Variants in SYT2 observed in about 807,000 individuals in gnomAD.
SYT2 encodes the protein synaptotagmin-2.
A neutral mutation model predicts 39.9 loss-of-function variants in SYT2; 15 were observed. That is an observed-to-expected ratio of 0.38 (90% CI 0.25 to 0.58). The LOEUF (loss-of-function observed/expected upper bound fraction) is 0.58, where lower values mean the gene tolerates loss of function less well. SYT2 is among the 20% of genes least tolerant of loss of function. SYT2 has a pLI of 0.70. For missense variants in SYT2, 389 were observed against 530.3 expected (o/e 0.73, Z 2.62); for synonymous variants, 181 against 204.5 (o/e 0.89, Z 0.98).
intron 1 of SYT2, among the ~76,000 whole-genome samples, chr1:202,696,773 A>G (rs539451170): frequency 6.6e-6 from 1 of 152,348 alleles, no homozygotes; most frequent in East Asian, 1.9e-4. Flanking sequence ...GAGTAGACGT[A>G]ATATCATGAA....
intron 1 of SYT2, chr1:202,639,948 G>T (rs964922785): frequency 3.1e-5 from 16 of 513,152 alleles, no homozygotes; most frequent in Non-Finnish European, 3.5e-5. Context: ...CATCCCTTGT[G>T]CATTAGTCAA....
chr1:202,601,790 G>C lies in SYT2; in HGVS notation c.801+100C>G, dbSNP rs61820902. ...TGGAGCTGGGATCCTAACACAGGTC[G>C]TCTGCCTCCAAAGCCCACCCTGTTT... On this transcript the variant is annotated intron_variant, in intron 6 of 8. Coordinates refer to ENST00000367268, the MANE Select transcript of SYT2 (RefSeq NM_177402.5). This position sits in a 1 kb window ranked among gnomAD's most constrained non-coding sequence, Gnocchi z 4.0. 9.1e-5 allele frequency: 118 copies of C among 1,300,224 alleles called. 1 individual carries two copies. The Middle Eastern group carries it at 3.1e-3, about 34-fold the overall frequency. The allele number at this position is 1,300,224 out of a possible 1,614,324, so 80.5% of individuals were successfully genotyped here. A position where few individuals can be genotyped will look rare whatever the true frequency, so the allele number is the denominator to read the frequency against.
chr1:202,674,928 T>C (rs1653320868), intron 1 of SYT2, among the ~76,000 whole-genome samples: 1 of 70,882 alleles, frequency 1.4e-5, no homozygotes, highest in African/African-American at 3.4e-5. Context: ...CTCAGCCTGC[T>C]TCGCCTCCTT....
chr1:202,605,748 G>A lies in SYT2; in HGVS notation c.25C>T (p.Gln9Ter), dbSNP rs1690683424. The stretch of plus-strand genomic sequence containing the variant: ...GTGGCAGGAGCCACAATAGGCTCCT[G>A]GTTCCTCTTGAAAATGTTCCTCATG... MRNIFKRN[Q>*]EPIVAPATTT... is the part of the protein sequence containing the mutation. The change falls in exon 2 of 9, where the codon CAG becomes TAG. Residue 9 changes from glutamine to a stop codon, truncating the protein, a stop_gained. Transcript: ENST00000367268. LOFTEE classifies it high-confidence loss of function. The A allele has an allele frequency of 6.2e-7, 1 of 1,614,010 alleles. No individual in the cohort carries two copies.
chr1:202,692,303 T>TA (rs1388205189), intron 1 of SYT2, among the ~76,000 whole-genome samples: 7 of 152,062 alleles, frequency 4.6e-5, no homozygotes, highest in African/African-American at 1.4e-4. Context: ...ACATGCCCAC[T>TA]ACCTGCCACA....
Position 202,591,496 on chromosome 1 carries a change from G to A in SYT2, c.*5261C>T, listed in dbSNP as rs929021135. On this transcript the variant is annotated 3_prime_UTR_variant, in exon 9 of 9. Transcript: ENST00000367268. ...TCTGCTACTTGGTGCAACTGGCTGG[G>A]GCTTCTCTGGGGAGCAGGTGTGAAG... is the stretch of plus-strand genomic sequence containing the variant. 3.3e-5 allele frequency: 5 copies of A among 152,576 alleles called. No individual in the cohort carries two copies. Among genetic ancestry groups the A allele is most frequent in the African/African-American group, 1.2e-4 (5 of 41,432 alleles). 9.5% of individuals were successfully genotyped at this position (152,576 alleles called of 1,614,324 possible). A position where few individuals can be genotyped will look rare whatever the true frequency, so the allele number is the denominator to read the frequency against.
Position 202,596,427 on chromosome 1 carries a change from G to A in SYT2, c.*330C>T. On this transcript the variant is annotated 3_prime_UTR_variant, in exon 9 of 9. Coordinates refer to ENST00000367268, the MANE Select transcript of SYT2 (RefSeq NM_177402.5). ...GAAGGCTCAAAAAACAGGAACTGCT[G>A]CAAGTTTGTGCCAGTAGAGAGCCTC... 1 of 250,966 alleles carries A rather than the reference G, an allele frequency of 4.0e-6. No homozygotes were observed. The highest frequency in any genetic ancestry group is 7.7e-6 in the Non-Finnish European group (1 of 129,772). The allele number at this position is 250,966 out of a possible 1,614,324, so 15.5% of individuals were successfully genotyped here.
chr1:202,655,955 A>AG (rs888100750), intron 1 of SYT2, among the ~76,000 whole-genome samples: 1 of 152,178 alleles, frequency 6.6e-6, no homozygotes, highest in African/African-American at 2.4e-5. Context: ...CAGATAGGAG[A>AG]GGGGGGCTTC....
rs573706792 is a variant in SYT2, at chr1:202,634,704, A to G, written c.-17-28915T>C. Among the ~76,000 whole-genome samples the G allele has an allele frequency of 4.1e-4, 62 of 152,380 alleles. 1 individual carries two copies. The highest frequency in any genetic ancestry group is 3.4e-3 in the Middle Eastern group (1 of 294). ...AATGGAATGTTATTTGGCAATAAAA[A>G]GAAATAAAGTATCGATACATGCTTC... On this transcript the variant is annotated intron_variant, in intron 1 of 8. Coordinates refer to ENST00000367268, the MANE Select transcript of SYT2 (RefSeq NM_177402.5).
chr1:202,600,226 C>G (rs368122208), intron 7 of SYT2, 131 bp downstream of exon 7: 3 of 762,712 alleles, frequency 3.9e-6, no homozygotes, highest in South Asian at 3.3e-5. Flanking sequence ...AAGGCTCCCC[C>G]GCTCCTCGAG....
intron 1 of SYT2, chr1:202,630,304 T>C (rs1478341004): frequency 1.1e-6 from 1 of 904,438 alleles, no homozygotes; most frequent in Admixed American, 6.2e-5. Context: ...CACTCTGGCT[T>C]GACCAGGTGC....
chr1:202,701,851 G>A (rs1273106715), intron 1 of SYT2, among the ~76,000 whole-genome samples: 1 of 152,152 alleles, frequency 6.6e-6, no homozygotes, highest in Non-Finnish European at 1.5e-5. Context: ...GTGTGTTACT[G>A]TCTCCATTTT....
intron 1 of SYT2, among the ~76,000 whole-genome samples, chr1:202,662,607 C>G (rs1196773782): frequency 1.3e-5 from 2 of 152,228 alleles, no homozygotes; most frequent in Non-Finnish European, 2.9e-5. Flanking sequence ...GTACTCCATC[C>G]TCTCTAGGTG....
intron 4 of SYT2, 72 bp from the exon 5 acceptor site, chr1:202,602,617 AGCACCCAC>A: frequency 6.8e-7 from 1 of 1,468,862 alleles, no homozygotes; most frequent in South Asian, 1.3e-5. Context: ...CCCCAGACCC[AGCACCCAC>A]CAATTCCGTC....
chr1:202,675,215 T>C (rs554675301), intron 1 of SYT2, among the ~76,000 whole-genome samples: 1 of 152,166 alleles, frequency 6.6e-6, no homozygotes, highest in Non-Finnish European at 1.5e-5. Context: ...GTTGGGCACA[T>C]GAATGAGTCT....
chr1:202,699,515 C>T (rs958281987), intron 1 of SYT2, among the ~76,000 whole-genome samples: 3 of 152,204 alleles, frequency 2.0e-5, no homozygotes, highest in African/African-American at 7.2e-5. Flanking sequence ...CACCCAATAG[C>T]AGTGTCACCT....
chr1:202,660,581 G>A (rs1387076519), intron 1 of SYT2, among the ~76,000 whole-genome samples: 1 of 152,186 alleles, frequency 6.6e-6, no homozygotes, highest in African/African-American at 2.4e-5. Context: ...CAGTTCTGGT[G>A]CTCCAGGAGA....
At chr1:202,625,857 C>T (rs1463252015) in intron 1 of SYT2, among the ~76,000 whole-genome samples, 1 of 152,188 alleles carries the variant, frequency 6.6e-6, no homozygotes, top group Non-Finnish European at 1.5e-5. Context: ...GGAGGGGGTC[C>T]TGTCTCCATC....
chr1:202,658,647 C>A (rs1190736567), intron 1 of SYT2, among the ~76,000 whole-genome samples: 1 of 150,748 alleles, frequency 6.6e-6, no homozygotes, highest in Non-Finnish European at 1.5e-5. Context: ...AGAGGCACTG[C>A]AATGCAGTGG....
Sources: gnomAD v4.1 joint callset for allele counts (sites outside exome capture counted in the v4.1 genomes callset) on GRCh38, gnomAD v4.1.1 for gene constraint, Gnocchi (gnomAD v3.1) non-coding constraint, MANE v1.5 for transcripts, NCBI Gene and HGNC (gene_info 2026-07-23, HGNC 2026-07-21) for gene names.